The following DYNLT2B variants were observed in gnomAD, a reference collection of about 807,000 sequenced individuals.
DYNLT2B encodes dynein light chain Tctex-type protein 2B.
A neutral mutation model predicts 19.5 loss-of-function variants in DYNLT2B; 14 were observed. The ratio of observed to expected loss-of-function variants is 0.72; its 90% CI spans 0.47 to 1.12. DYNLT2B has a LOEUF of 1.12. DYNLT2B is among the 50% of genes most tolerant of loss of function. The probability of loss-of-function intolerance (pLI) is 0.00; values close to 1 mark genes in which losing one functional copy is unlikely to be tolerated. For synonymous variants in DYNLT2B, 70 were observed against 59.7 expected, an observed-to-expected ratio of 1.17 and a Z score of -0.79; for missense variants, 133 against 174.7, an observed-to-expected ratio of 0.76 and a Z score of 1.35.
In DYNLT2B at chr3:196,318,215, G is replaced by C. The variant is rs573662432; in HGVS notation, c.-63C>G. 368 of 987,918 alleles carry C rather than the reference G, an allele frequency of 3.7e-4. 6 individuals are homozygous for C. In the South Asian group the frequency reaches 6.1e-3, roughly 16 times the overall value. 61.2% of individuals were successfully genotyped at this position (987,918 alleles called of 1,614,324 possible). ...GGCCTAGCGGGTTGCGGTCGCGGCCGGCAGCAGGGAAAGCGTCTCCAGGGC... is the reference window on the plus strand; with the variant it reads ...GGCCTAGCGGGTTGCGGTCGCGGCCCGCAGCAGGGAAAGCGTCTCCAGGGC... On this transcript the variant is annotated 5_prime_UTR_variant, in exon 1 of 5. Coordinates refer to ENST00000325318, the MANE Select transcript of DYNLT2B (RefSeq NM_152773.5).
intron 3 of DYNLT2B, among the ~76,000 whole-genome samples, chr3:196,299,944 A>G (rs79221679): frequency 1.4e-3 from 214 of 152,254 alleles, no homozygotes; most frequent in Non-Finnish European, 2.2e-3. Flanking sequence ...AATAGAATAA[A>G]ATAAAATAAA....
At chr3:196,301,796 C>A (rs1404369583) in intron 3 of DYNLT2B, among the ~76,000 whole-genome samples, 3 of 151,930 alleles carry the variant, frequency 2.0e-5, no homozygotes, top group East Asian at 1.9e-4. Context: ...AAGGATAAAG[C>A]CTTTTACTAG....
intron 2 of DYNLT2B, among the ~76,000 whole-genome samples, chr3:196,314,668 A>C (rs1726729495): frequency 6.6e-6 from 1 of 151,288 alleles, no homozygotes; most frequent in Non-Finnish European, 1.5e-5. Context: ...TTAAAAATTA[A>C]AAAATTAGCC....
chr3:196,314,810 G>T (rs1043807727), intron 2 of DYNLT2B, among the ~76,000 whole-genome samples: 1 of 151,754 alleles, frequency 6.6e-6, no homozygotes, highest in Admixed American at 6.6e-5. Context: ...AAAACAGCAA[G>T]ACCCTATTTC....
At chr3:196,316,393 CAT>C (rs1726794250) in intron 1 of DYNLT2B, among the ~76,000 whole-genome samples, 162 bp from the exon 2 acceptor site, 2 of 152,034 alleles carry the variant, frequency 1.3e-5, no homozygotes. Flanking sequence ...TCATAGGCCA[CAT>C]GTGTATCTTC....
At chr3:196,297,208 A>AG (rs2108791011) in intron 3 of DYNLT2B, among the ~76,000 whole-genome samples, 1 of 151,936 alleles carries the variant, frequency 6.6e-6, no homozygotes, top group East Asian at 1.9e-4. Flanking sequence ...GAACATGAAA[A>AG]GCTATTCACA....
rs1170558320 is a variant in DYNLT2B at position 196,317,065 on chromosome 3, GTGTGT to G, written c.114-839_114-835del. 2.9e-4 allele frequency among the ~76,000 whole-genome samples: 10 copies of G among 34,528 alleles called. No homozygotes were observed. The East Asian group carries it at 0.073, about 251-fold the overall frequency. 22.7% of individuals were successfully genotyped at this position (34,528 alleles called of 152,430 possible). Reference sequence around the variant, plus strand: ...GTGTGTTGTGTGGTGTGTGTGTGGTGTGTGTGTGTGTGTGTGTGTGTGTAAAGTTA... The same window carrying G: ...GTGTGTTGTGTGGTGTGTGTGTGGTGGTGTGTGTGTGTGTGTGTAAAGTTA... On this transcript the variant is annotated intron_variant, in intron 1 of 4. Transcript: ENST00000325318.
Position 196,318,065 on chromosome 3 carries a change from T to A in DYNLT2B, c.88A>T (p.Ile30Phe), listed in dbSNP as rs1179583651. ...CTCTGCTGGAAAACAGGCCGCAGAA[T>A]ATAGGTGTTCTCGGGCTCCCCTGCG... ...KNAGEPENTY[I>F]LRPVFQQRFR... Residue 30 changes from isoleucine to phenylalanine, a missense_variant, in exon 1 of 5, where the codon ATT (isoleucine) becomes TTT (phenylalanine). Ile to Phe is a conservative substitution (Grantham distance 21). Coordinates refer to ENST00000325318, the MANE Select transcript of DYNLT2B (RefSeq NM_152773.5). 1 of 1,559,016 alleles carries A rather than the reference T, an allele frequency of 6.4e-7. No homozygotes were observed. Among genetic ancestry groups the A allele is most frequent in the African/African-American group, 1.4e-5 (1 of 70,406 alleles).
In DYNLT2B at chr3:196,317,368, C is replaced by CTGTG. The variant is rs1560195194; in HGVS notation, c.113+671_113+672insCACA. Among the ~76,000 whole-genome samples, 2 of 31,666 alleles carry CTGTG rather than the reference C, an allele frequency of 6.3e-5. 1 individual carries two copies. The highest frequency in any genetic ancestry group is 1.3e-4 in the Non-Finnish European group (2 of 15,528). 20.8% of individuals were successfully genotyped at this position (31,666 alleles called of 152,430 possible). On this transcript the variant is annotated intron_variant, in intron 1 of 4. Transcript: ENST00000325318. ...TGGCCCGTGAGCCTGATATTTTTTT[C>CTGTG]AGTGTGTGTGTGTGTGTGTGTGTGT...
At chr3:196,293,621 G>A (rs1411539237) in intron 4 of DYNLT2B, among the ~76,000 whole-genome samples, 7 of 129,680 alleles carry the variant, frequency 5.4e-5, no homozygotes, top group Admixed American at 4.3e-4. Flanking sequence ...GTGAGACTCC[G>A]TCTCAAAACA....
Position 196,312,619 on chromosome 3 carries a change from C to T in DYNLT2B, c.247+3479G>A, listed in dbSNP as rs538042125. Among the ~76,000 whole-genome samples, 42 of 151,902 alleles carry T rather than the reference C, an allele frequency of 2.8e-4. No individual in the cohort carries two copies. In the South Asian group the frequency reaches 8.1e-3, roughly 29 times the overall value. On this transcript the variant is annotated intron_variant, in intron 2 of 4. Coordinates refer to ENST00000325318, the MANE Select transcript of DYNLT2B (RefSeq NM_152773.5). ...GATTACAGATGCCCACTACCACGCC[C>T]GGCTAATTTTTGTATTTTTCGTAGA...
At chr3:196,291,558 A>C (rs1375104587) in intron 4 of DYNLT2B, among the ~76,000 whole-genome samples, 184 bp from the exon 5 acceptor site, 2 of 152,000 alleles carry the variant, frequency 1.3e-5, no homozygotes, top group Admixed American at 6.6e-5. Context: ...AGCTCACTGC[A>C]GCCTCGACCT....
intron 1 of DYNLT2B, among the ~76,000 whole-genome samples, chr3:196,316,909 T>TGTGTGTGTGTG (rs1287554227): frequency 5.7e-5 from 2 of 35,300 alleles, no homozygotes; most frequent in African/African-American, 1.6e-4. Flanking sequence ...GTGTGTGTGT[T>TGTGTGTGTGTG]GTGTGGTGTG....
intron 2 of DYNLT2B, among the ~76,000 whole-genome samples, chr3:196,308,808 A>T (rs1253298803): frequency 6.6e-6 from 1 of 152,316 alleles, no homozygotes; most frequent in African/African-American, 2.4e-5. Context: ...CCTTTCTCTA[A>T]CCAATCCCAA....
intron 3 of DYNLT2B, 83 bp from the exon 4 acceptor site, chr3:196,296,152 T>C: frequency 1.7e-6 from 2 of 1,160,026 alleles, no homozygotes; most frequent in Non-Finnish European, 2.6e-6. Context: ...ACAGTGTTCC[T>C]TAATACATTC....
chr3:196,297,202 A>G (rs934074201), intron 3 of DYNLT2B, among the ~76,000 whole-genome samples: 3 of 151,866 alleles, frequency 2.0e-5, no homozygotes, highest in African/African-American at 7.3e-5. Flanking sequence ...TTCCAAGAAC[A>G]TGAAAAGCTA....
chr3:196,303,801 T>C (rs1726415170), intron 3 of DYNLT2B, among the ~76,000 whole-genome samples: 2 of 152,234 alleles, frequency 1.3e-5, no homozygotes, highest in African/African-American at 4.8e-5. Flanking sequence ...AAAGCTTTAT[T>C]TGATAACACT....
intron 4 of DYNLT2B, 43 bp from the exon 5 acceptor site, chr3:196,291,417 T>C: frequency 6.3e-7 from 1 of 1,578,952 alleles, no homozygotes; most frequent in Non-Finnish European, 8.6e-7. Flanking sequence ...AGAATGTTAG[T>C]ACTAAAGAGG....
intron 3 of DYNLT2B, among the ~76,000 whole-genome samples, chr3:196,299,330 C>T (rs1048508059): frequency 4.0e-5 from 6 of 151,874 alleles, no homozygotes; most frequent in African/African-American, 9.7e-5. Context: ...AGTGATCCAC[C>T]GGCCTCGGCC....
Sources: allele counts gnomAD v4.1 joint callset (sites outside exome capture counted in the v4.1 genomes callset), GRCh38; gene constraint gnomAD v4.1.1; transcripts MANE v1.5; gene names NCBI Gene and HGNC (gene_info 2026-07-23, HGNC 2026-07-21).